Variants in RGS7 observed in about 807,000 individuals in gnomAD.
The protein encoded by RGS7 is regulator of G protein signaling 7, also known as regulator of G-protein signaling 7.
RGS7 carries 27 observed loss-of-function variants against 81.1 expected under a neutral mutation model. That is an observed-to-expected ratio of 0.33 (90% confidence interval 0.25 to 0.46). The LOEUF is 0.46. RGS7 is among the 20% of genes least tolerant of loss of function. The pLI, the probability that RGS7 is intolerant of heterozygous loss-of-function variation, is 1.00. For synonymous variants in RGS7, 208 were observed against 207.7 expected (o/e 1.00, Z -0.01); for missense variants, 396 against 607.4 (o/e 0.65, Z 3.66).
At chr1:240,817,763 C>T (rs945273238) in intron 10 of RGS7, among the ~76,000 whole-genome samples, 21 of 152,066 alleles carry the variant, frequency 1.4e-4, no homozygotes, top group African/African-American at 4.8e-4. Flanking sequence ...CCACCACACC[C>T]GGCTAATTTT....
intron 4 of RGS7, among the ~76,000 whole-genome samples, chr1:240,975,970 T>G (rs1684009938): frequency 6.6e-6 from 1 of 152,244 alleles, no homozygotes; most frequent in Non-Finnish European, 1.5e-5. Flanking sequence ...TTTGTCTTAG[T>G]GGATGAGGCA....
intron 3 of RGS7, chr1:240,998,425 T>C (rs921352098): frequency 5.9e-6 from 4 of 681,208 alleles, no homozygotes; most frequent in Non-Finnish European, 1.0e-5. Flanking sequence ...AGCTTTTTAT[T>C]GAACACATTA....
At position 240,816,296 on chromosome 1, in the gene RGS7, T is replaced by C. The variant is rs377071140; in HGVS notation, c.783+21A>G. On this transcript the variant is annotated intron_variant, in intron 11 of 18. Transcript: ENST00000440928. ...TGTTACTCTGTAAACCTTTAACAGG[T>C]CATCTCATAGGTTGACTCACCTGTT... 1.0e-5 allele frequency: 15 copies of C among 1,480,736 alleles called. No homozygotes were observed. The African/African-American group carries it at 2.1e-4, about 20-fold the overall frequency. 91.7% of individuals were successfully genotyped at this position (1,480,736 alleles called of 1,614,324 possible). A position where few individuals can be genotyped will look rare whatever the true frequency, so the allele number is the denominator to read the frequency against.
At chr1:241,269,616 A>C (rs1194323366) in intron 2 of RGS7, among the ~76,000 whole-genome samples, 1 of 152,220 alleles carries the variant, frequency 6.6e-6, no homozygotes, top group Non-Finnish European at 1.5e-5. Flanking sequence ...GAAAAGATTA[A>C]GTCAGGAAAA....
intron 6 of RGS7, among the ~76,000 whole-genome samples, chr1:240,885,536 T>C (rs1313688167): frequency 6.6e-6 from 1 of 152,202 alleles, no homozygotes; most frequent in East Asian, 1.9e-4. Context: ...GAAAATGTGG[T>C]GCAGCTACAT....
At chr1:241,027,643 G>C (rs976053196) in intron 3 of RGS7, among the ~76,000 whole-genome samples, 5 of 152,248 alleles carry the variant, frequency 3.3e-5, no homozygotes, top group African/African-American at 9.6e-5. Flanking sequence ...AATAGGACTT[G>C]ATGATGGGTG....
chr1:240,959,278 A>G (rs1418826117), intron 4 of RGS7, among the ~76,000 whole-genome samples: 1 of 152,200 alleles, frequency 6.6e-6, no homozygotes, highest in Non-Finnish European at 1.5e-5. Context: ...TATCTCATGC[A>G]TGAGAGATGC....
At chr1:241,256,824 C>A (rs1272201519) in intron 2 of RGS7, among the ~76,000 whole-genome samples, 1 of 151,984 alleles carries the variant, frequency 6.6e-6, no homozygotes, top group Non-Finnish European at 1.5e-5. Flanking sequence ...CATTTTAACA[C>A]ATGAGTTTTG....
At chr1:240,944,854 C>T (rs1009650034) in intron 4 of RGS7, among the ~76,000 whole-genome samples, 2 of 152,222 alleles carry the variant, frequency 1.3e-5, no homozygotes, top group African/African-American at 4.8e-5. Context: ...GCTGGGACTA[C>T]AGGCATGCGC....
intron 2 of RGS7, among the ~76,000 whole-genome samples, chr1:241,320,793 TGC>T (rs2081163409): frequency 6.6e-6 from 1 of 152,214 alleles, no homozygotes. Context: ...TGTTGAAGCA[TGC>T]ACTTTCTGTA....
At chr1:241,276,534 G>A (rs2078203286) in intron 2 of RGS7, among the ~76,000 whole-genome samples, 1 of 152,124 alleles carries the variant, frequency 6.6e-6, no homozygotes, top group Non-Finnish European at 1.5e-5. Flanking sequence ...TGGGTTTAAG[G>A]AGCAACGATG....
At chr1:241,078,404 A>T (rs2062945257) in intron 3 of RGS7, among the ~76,000 whole-genome samples, 1 of 146,818 alleles carries the variant, frequency 6.8e-6, no homozygotes, top group Non-Finnish European at 1.5e-5. Context: ...AAATATATAT[A>T]CAGCATATTA....
chr1:241,222,650 T>C (rs1003801373), intron 2 of RGS7, among the ~76,000 whole-genome samples: 2 of 152,138 alleles, frequency 1.3e-5, no homozygotes, highest in African/African-American at 4.8e-5. Flanking sequence ...AATAAAACTC[T>C]TCCATAAATA....
chr1:240,811,369 G>A (rs1328442593), intron 14 of RGS7, among the ~76,000 whole-genome samples: 1 of 152,196 alleles, frequency 6.6e-6, no homozygotes, highest in Non-Finnish European at 1.5e-5. Context: ...TACAACAGAT[G>A]GGCAGAATGG....
intron 2 of RGS7, among the ~76,000 whole-genome samples, chr1:241,193,338 G>A (rs985812748): frequency 2.6e-5 from 4 of 152,172 alleles, no homozygotes; most frequent in African/African-American, 9.7e-5. Flanking sequence ...CCCTGGATCT[G>A]GGCCTCAGAC....
At chr1:241,214,926 A>G (rs1157795972) in intron 2 of RGS7, among the ~76,000 whole-genome samples, 1 of 152,078 alleles carries the variant, frequency 6.6e-6, no homozygotes, top group Non-Finnish European at 1.5e-5. Context: ...TATAACTTTA[A>G]CCATTATATC....
chr1:240,973,775 G>A (rs1182988494), intron 4 of RGS7, among the ~76,000 whole-genome samples: 1 of 151,674 alleles, frequency 6.6e-6, no homozygotes, highest in Non-Finnish European at 1.5e-5. Flanking sequence ...TCTATTTTCA[G>A]TAGAGACGGG....
intron 2 of RGS7, among the ~76,000 whole-genome samples, chr1:241,171,231 T>A (rs2070713033): frequency 6.6e-6 from 1 of 152,200 alleles, no homozygotes; most frequent in East Asian, 1.9e-4. Flanking sequence ...ATCAAATATG[T>A]CATTTGTTCA....
intron 15 of RGS7, among the ~76,000 whole-genome samples, chr1:240,805,225 TA>T (rs919310335): frequency 1.4e-5 from 2 of 142,390 alleles, no homozygotes; most frequent in East Asian, 4.1e-4. Flanking sequence ...CAAAAAAAAA[TA>T]AAAAAAAATT....
Sources: allele counts gnomAD v4.1 joint callset (sites outside exome capture counted in the v4.1 genomes callset), GRCh38; gene constraint gnomAD v4.1.1; transcripts MANE v1.5; gene names NCBI Gene and HGNC (gene_info 2026-07-23, HGNC 2026-07-21).